XPOT: variants seen among roughly 807,000 people sequenced by gnomAD.
XPOT encodes exportin for tRNA.
XPOT carries 34 observed loss-of-function variants against 128.2 expected under a neutral mutation model. That is an observed-to-expected ratio of 0.27 (90% CI 0.20 to 0.35). The LOEUF is 0.35. Among genes scored for constraint, XPOT ranks in the 10% least tolerant of loss-of-function variants. The pLI, the probability that XPOT is intolerant of heterozygous loss-of-function variation, is 1.00. For missense variants in XPOT, 838 were observed against 1,125.3 expected (o/e 0.74, Z 3.65); for synonymous variants, 348 against 394.3 (o/e 0.88, Z 1.39).
At chr12:64,406,364 G>T (rs928322658) in intron 1 of XPOT, among the ~76,000 whole-genome samples, 2 of 148,162 alleles carry the variant, frequency 1.3e-5, no homozygotes, top group Non-Finnish European at 3.0e-5. Context: ...GTGAGCCACC[G>T]TGCCCAGCCA....
At chr12:64,430,648 A>G (rs2040231086) in intron 17 of XPOT, among the ~76,000 whole-genome samples, 1 of 152,160 alleles carries the variant, frequency 6.6e-6, no homozygotes, top group Non-Finnish European at 1.5e-5. Flanking sequence ...CTTCAGTTGT[A>G]TTGTGTCCTG....
chr12:64,420,660 C>G, intron 8 of XPOT, 139 bp downstream of exon 8: 1 of 646,522 alleles, frequency 1.5e-6, no homozygotes, highest in East Asian at 2.8e-5. Context: ...ACCACTGCAT[C>G]TAGCCAAAAT....
intron 20 of XPOT, 25 bp from the exon 21 acceptor site, chr12:64,434,769 A>G (rs770313754): frequency 6.2e-7 from 1 of 1,602,916 alleles, no homozygotes. Flanking sequence ...TATATATAAG[A>G]TGAAAATTTG....
intron 1 of XPOT, chr12:64,405,083 C>CG (rs1810564933): frequency 6.6e-6 from 1 of 152,060 alleles, no homozygotes; most frequent in East Asian, 1.9e-4. Context: ...GGGGAGGGAT[C>CG]GGGGGAGGGA....
At chr12:64,431,911 CTT>C in intron 18 of XPOT, 88 bp downstream of exon 18, 1 of 1,376,338 alleles carries the variant, frequency 7.3e-7, no homozygotes, top group Non-Finnish European at 9.8e-7. Flanking sequence ...CCTTGGGTTT[CTT>C]TTTTTTTGCT....
rs148519161 is a variant in XPOT, at chr12:64,425,868, C to T, written c.1626C>T (p.Ser542=). 64 of 1,614,122 alleles carry T rather than the reference C, an allele frequency of 4.0e-5. No homozygotes were observed. In the African/African-American group the frequency reaches 6.3e-4, roughly 16 times the overall value. ...GGCATTCCAGTGCAAAAGTTCGGAG[C>T]AGGACGGCTTACCTGTTTTCTAGAT... ...GLRHSSAKVR[S]RTAYLFSRFV... Residue 542 remains serine (S), a synonymous_variant, in exon 15 of 25, where the codon AGC becomes AGT. Coordinates refer to ENST00000332707, the MANE Select transcript of XPOT (RefSeq NM_007235.6).
At chr12:64,432,643 G>A (rs2040249450) in intron 18 of XPOT, among the ~76,000 whole-genome samples, 1 of 152,142 alleles carries the variant, frequency 6.6e-6, no homozygotes, top group Admixed American at 6.6e-5. Flanking sequence ...ATATGTTATA[G>A]TTGAGGAAAC....
At position 64,425,881 on chromosome 12, in the gene XPOT, C is replaced by T. The variant is rs778968414; in HGVS notation, c.1639C>T (p.Leu547=). The change falls in exon 15 of 25, where the codon CTG becomes TTG. Residue 547 remains leucine, a synonymous_variant. Transcript: ENST00000332707. ...SAKVRSRTAY[L]FSRFVKSLNK... ...AAAAGTTCGGAGCAGGACGGCTTAC[C>T]TGTTTTCTAGATTTGTCAAATCTCT... is the stretch of plus-strand genomic sequence containing the variant. 6.2e-7 allele frequency: 1 copy of T among 1,613,998 alleles called. No individual in the cohort carries two copies. The highest frequency in any genetic ancestry group is 1.3e-5 in the African/African-American group (1 of 74,912).
chr12:64,428,953 G>A (rs529562923), intron 16 of XPOT, among the ~76,000 whole-genome samples: 2 of 152,172 alleles, frequency 1.3e-5, no homozygotes, highest in Admixed American at 1.3e-4. Flanking sequence ...GTAGTTGTGT[G>A]CCACTCTGCT....
At position 64,404,795 on chromosome 12, in the gene XPOT, G is replaced by C. The variant is rs2136004712; in HGVS notation, c.-84G>C. 6.6e-6 allele frequency: 1 copy of C among 152,560 alleles called. No homozygotes were observed. The highest frequency in any genetic ancestry group is 6.5e-5 in the Admixed American group (1 of 15,312). 9.5% of individuals were successfully genotyped at this position (152,560 alleles called of 1,614,324 possible). A position where few individuals can be genotyped will look rare whatever the true frequency, so the allele number is the denominator to read the frequency against. ...TGCAGGCTGGGAGGCGGGATGGAGT[G>C]ATAGGGAAGGTGACTCGGGGCTCGG... On this transcript the variant is annotated 5_prime_UTR_variant, in exon 1 of 25. An upstream open reading frame in the 5' UTR loses its in-frame stop. Transcript: ENST00000332707.
At chr12:64,445,005 G>A in intron 23 of XPOT, 70 bp from the exon 24 acceptor site, 1 of 1,241,934 alleles carries the variant, frequency 8.1e-7, no homozygotes, top group Non-Finnish European at 1.1e-6. Flanking sequence ...AAAAAAAACT[G>A]GATACGAATT....
intron 2 of XPOT, among the ~76,000 whole-genome samples, chr12:64,413,309 C>T (rs2040057636): frequency 6.6e-6 from 1 of 152,128 alleles, no homozygotes; most frequent in Admixed American, 6.5e-5. Context: ...CACTATGTTG[C>T]CCAGGCTAGC....
rs2040395909 is a variant in XPOT, at chr12:64,449,827, A to G, written c.*1696A>G. On this transcript the variant is annotated 3_prime_UTR_variant, in exon 25 of 25. Transcript: ENST00000332707. Reference sequence around the variant, plus strand: ...AATTGCAGCTATTGCAATAGTAGTAATTGTTAAATGGATACTAATGAATAG... The same window carrying G: ...AATTGCAGCTATTGCAATAGTAGTAGTTGTTAAATGGATACTAATGAATAG... 1 of 152,218 alleles carries G rather than the reference A, an allele frequency of 6.6e-6. No individual in the cohort carries two copies. Among genetic ancestry groups the G allele is most frequent in the Non-Finnish European group, 1.5e-5 (1 of 68,038 alleles). The allele number at this position is 152,218 out of a possible 1,614,324, so 9.4% of individuals were successfully genotyped here. A position where few individuals can be genotyped will look rare whatever the true frequency, so the allele number is the denominator to read the frequency against.
intron 18 of XPOT, among the ~76,000 whole-genome samples, chr12:64,432,488 C>G (rs1006938538): frequency 1.3e-5 from 2 of 152,170 alleles, no homozygotes; most frequent in Admixed American, 6.5e-5. Flanking sequence ...TCAAGTGATC[C>G]TCCTGCCTCG....
At chr12:64,426,785 C>CT (rs1160820230) in intron 15 of XPOT, among the ~76,000 whole-genome samples, 1 of 152,138 alleles carries the variant, frequency 6.6e-6, no homozygotes, top group African/African-American at 2.4e-5. Flanking sequence ...GAGTTTGAGA[C>CT]TAGCCTGGCC....
chr12:64,429,210 G>A (rs145071529), intron 16 of XPOT, among the ~76,000 whole-genome samples: 49 of 152,238 alleles, frequency 3.2e-4, no homozygotes, highest in Admixed American at 8.5e-4. Flanking sequence ...GTTCAAGGCC[G>A]CAGAAGAAAA....
chr12:64,429,242 A>C (rs1359320486), intron 16 of XPOT, among the ~76,000 whole-genome samples: 1 of 152,142 alleles, frequency 6.6e-6, no homozygotes, highest in African/African-American at 2.4e-5. Flanking sequence ...TTTCAGAGAG[A>C]GACCAATTTG....
At chr12:64,426,247 C>G (rs999521403) in intron 15 of XPOT, among the ~76,000 whole-genome samples, 5 of 141,444 alleles carry the variant, frequency 3.5e-5, no homozygotes, top group Non-Finnish European at 1.5e-5. Context: ...GTGGAGGTTG[C>G]AGTGAGCCAA....
intron 22 of XPOT, among the ~76,000 whole-genome samples, chr12:64,438,993 A>G (rs1267204838): frequency 6.6e-6 from 1 of 152,166 alleles, no homozygotes; most frequent in Non-Finnish European, 1.5e-5. Flanking sequence ...GCCCAAGTGC[A>G]GCAAACCACC....
Sources: gnomAD v4.1 joint callset for allele counts (sites outside exome capture counted in the v4.1 genomes callset) on GRCh38, gnomAD v4.1.1 for gene constraint, MANE v1.5 for transcripts, NCBI Gene and HGNC (gene_info 2026-07-23, HGNC 2026-07-21) for gene names.